CNIH3: variants seen among roughly 807,000 people sequenced by gnomAD.
CNIH3 encodes protein cornichon homolog 3.
A neutral mutation model predicts 24.1 loss-of-function variants in CNIH3; 14 were observed. The ratio of observed to expected loss-of-function variants is 0.58; its 90% CI spans 0.38 to 0.91. The LOEUF (loss-of-function observed/expected upper bound fraction) is 0.91, where lower values mean the gene tolerates loss of function less well. Ranked by LOEUF, CNIH3 falls within the 40% of genes least tolerant of loss-of-function variation. The pLI, the probability that CNIH3 is intolerant of heterozygous loss-of-function variation, is 0.00. For synonymous variants in CNIH3, 68 were observed against 73.8 expected (o/e 0.92, Z 0.40); for missense variants, 178 against 196.8 (o/e 0.90, Z 0.57).
At chr1:224,722,737 A>G (rs1688791221) in intron 3 of CNIH3, among the ~76,000 whole-genome samples, 1 of 152,110 alleles carries the variant, frequency 6.6e-6, no homozygotes, top group Admixed American at 6.5e-5. Context: ...ATGAAGTTTG[A>G]GAACCACTGC....
chr1:224,685,771 G>C (rs1341266496), intron 3 of CNIH3, among the ~76,000 whole-genome samples: 1 of 152,090 alleles, frequency 6.6e-6, no homozygotes, highest in Non-Finnish European at 1.5e-5. Context: ...CAAGCAGCCG[G>C]TTATTTTTCT....
Position 224,616,488 on chromosome 1 carries a change from G to A in CNIH3, c.-687G>A. The A allele has an allele frequency of 1.0e-6, 1 of 987,912 alleles. No individual in the cohort carries two copies. The highest frequency in any genetic ancestry group is 4.5e-5 in the South Asian group (1 of 22,292). The allele number at this position is 987,912 out of a possible 1,614,324, so 61.2% of individuals were successfully genotyped here. A position where few individuals can be genotyped will look rare whatever the true frequency, so the allele number is the denominator to read the frequency against. On this transcript the variant is annotated 5_prime_UTR_variant, in exon 1 of 6. Transcript: ENST00000272133. The stretch of plus-strand genomic sequence containing the variant: ...CCGGTTTCCGGGACACTTGGGTTGC[G>A]GAGGCCGGCTGGCCGGAGTCACGGT...
At chr1:224,654,391 G>A (rs528684832) in intron 1 of CNIH3, among the ~76,000 whole-genome samples, 9 of 152,102 alleles carry the variant, frequency 5.9e-5, no homozygotes, top group African/African-American at 1.7e-4. Context: ...CAACAACAAC[G>A]AAAAAAAGAT....
At chr1:224,659,083 C>G (rs1685225512) in intron 1 of CNIH3, among the ~76,000 whole-genome samples, 1 of 152,176 alleles carries the variant, frequency 6.6e-6, no homozygotes. Flanking sequence ...ATTGGCCTTG[C>G]AATCTCACAT....
intron 4 of CNIH3, chr1:224,566,281 A>C (rs1680577065): frequency 6.7e-6 from 1 of 149,644 alleles, no homozygotes; most frequent in African/African-American, 2.5e-5. Flanking sequence ...ATTACTTGCA[A>C]CTCTCTTTGG....
intron 3 of CNIH3, among the ~76,000 whole-genome samples, chr1:224,557,039 C>A (rs1203848897): frequency 6.6e-6 from 1 of 152,034 alleles, no homozygotes; most frequent in African/African-American, 2.4e-5. Context: ...CACTCTGCAG[C>A]CTCCCCTCTT....
intron 1 of CNIH3, among the ~76,000 whole-genome samples, chr1:224,464,031 C>T (rs948769227): frequency 4.0e-5 from 6 of 151,602 alleles, no homozygotes; most frequent in South Asian, 2.1e-4. Flanking sequence ...TCTTGTGATC[C>T]GCCCACCTCA....
At position 224,740,336 on chromosome 1, in the gene CNIH3, G is replaced by A. The variant is rs1689806563; in HGVS notation, c.*980G>A. ...TTGGGTGGGAGTTATGCTGGGGGTTGTAAATAATGACAAGGCTGAGATTTT... is the reference window on the plus strand; with the variant it reads ...TTGGGTGGGAGTTATGCTGGGGGTTATAAATAATGACAAGGCTGAGATTTT... On this transcript the variant is annotated 3_prime_UTR_variant, in exon 6 of 6. Coordinates refer to ENST00000272133, the MANE Select transcript of CNIH3 (RefSeq NM_152495.2). The A allele has an allele frequency of 6.6e-6, 1 of 152,222 alleles. No individual in the cohort carries two copies. The highest frequency in any genetic ancestry group is 2.1e-4 in the South Asian group (1 of 4,832). 9.4% of individuals were successfully genotyped at this position (152,222 alleles called of 1,614,324 possible).
At chr1:224,734,475 C>T (rs535383286) in intron 4 of CNIH3, 88 bp from the exon 5 acceptor site, 68 of 1,388,012 alleles carry the variant, frequency 4.9e-5, no homozygotes, top group South Asian at 6.3e-5. Context: ...AGGGATTGCT[C>T]GACAGAAGCC....
chr1:224,611,116 T>TA (rs111302978), intron 3 of CNIH3, among the ~76,000 whole-genome samples: 3,871 of 152,318 alleles, frequency 0.025, 185 homozygotes, highest in African/African-American at 0.088. Flanking sequence ...GGCCAAATGT[T>TA]AGAGTTCTGG....
intron 3 of CNIH3, among the ~76,000 whole-genome samples, chr1:224,559,219 A>C (rs1680263581): frequency 6.6e-6 from 1 of 152,174 alleles, no homozygotes; most frequent in Non-Finnish European, 1.5e-5. Flanking sequence ...TTCTAGGCAG[A>C]CAGTTTTGCT....
Position 224,739,622 on chromosome 1 carries a change from G to T in CNIH3, c.*266G>T. 1 of 568,614 alleles carries T rather than the reference G, an allele frequency of 1.8e-6. No homozygotes were observed. 35.2% of individuals were successfully genotyped at this position (568,614 alleles called of 1,614,324 possible). A position where few individuals can be genotyped will look rare whatever the true frequency, so the allele number is the denominator to read the frequency against. The stretch of plus-strand genomic sequence containing the variant: ...AGCCCTTCTGAGCATCAGTGGTGTG[G>T]GGGAGTAGGTGACGAAACACTAGAC... On this transcript the variant is annotated 3_prime_UTR_variant, in exon 6 of 6. Coordinates refer to ENST00000272133, the MANE Select transcript of CNIH3 (RefSeq NM_152495.2).
chr1:224,499,244 G>A (rs1273222898), intron 1 of CNIH3, among the ~76,000 whole-genome samples: 1 of 152,082 alleles, frequency 6.6e-6, no homozygotes, highest in Non-Finnish European at 1.5e-5. Flanking sequence ...AGCCTTCTGA[G>A]GTATTGTAAT....
intron 1 of CNIH3, among the ~76,000 whole-genome samples, chr1:224,475,312 C>T (rs374365073): frequency 6.1e-5 from 9 of 148,062 alleles, no homozygotes; most frequent in East Asian, 4.0e-4. Context: ...ACCGAGATTG[C>T]GCCACTGCAG....
chr1:224,597,179 A>C (rs919273213), intron 3 of CNIH3, among the ~76,000 whole-genome samples: 74 of 152,118 alleles, frequency 4.9e-4, no homozygotes, highest in East Asian at 2.1e-3. Flanking sequence ...ACAAACAAAA[A>C]AAAAAACAAA....
intron 1 of CNIH3, among the ~76,000 whole-genome samples, chr1:224,473,114 A>G (rs372983333): frequency 2.0e-5 from 3 of 152,320 alleles, no homozygotes; most frequent in South Asian, 2.1e-4. Context: ...AAAATAAATA[A>G]AATAATGGGT....
intron 1 of CNIH3, among the ~76,000 whole-genome samples, chr1:224,461,468 A>C (rs1482012912): frequency 2.0e-5 from 3 of 152,222 alleles, no homozygotes; most frequent in African/African-American, 7.2e-5. Context: ...CACAAGGCAC[A>C]CTTGCTTCCC....
At chr1:224,720,808 G>A (rs758205005) in intron 3 of CNIH3, among the ~76,000 whole-genome samples, 15 of 152,094 alleles carry the variant, frequency 9.9e-5, no homozygotes, top group East Asian at 5.8e-4. Flanking sequence ...TCGCCATGTC[G>A]TTCCCTGGAA....
At chr1:224,624,583 A>G (rs1683429177) in intron 1 of CNIH3, among the ~76,000 whole-genome samples, 1 of 151,642 alleles carries the variant, frequency 6.6e-6, no homozygotes, top group Admixed American at 6.6e-5. Flanking sequence ...CATGCTTCCC[A>G]TCCCTGCCTT....
Sources: gnomAD v4.1 joint callset for allele counts (sites outside exome capture counted in the v4.1 genomes callset) on GRCh38, gnomAD v4.1.1 for gene constraint, MANE v1.5 for transcripts, NCBI Gene and HGNC (gene_info 2026-07-23, HGNC 2026-07-21) for gene names.